BANK1: variants seen among roughly 807,000 people sequenced by gnomAD.
BANK1 encodes the protein B-cell scaffold protein with ankyrin repeats.
Under a neutral mutation model 94.5 loss-of-function variants are expected in BANK1, and 95 were observed. The observed-to-expected ratio is 1.00, with a 90% CI of 0.85 to 1.19. The LOEUF is 1.19. BANK1 is among the 50% of genes most tolerant of loss of function. The pLI is 0.00. For missense variants in BANK1, 987 were observed against 932.2 expected, an observed-to-expected ratio of 1.06 and a Z score of -0.77; for synonymous variants, 334 against 308.4, an observed-to-expected ratio of 1.08 and a Z score of -0.87.
At chr4:101,966,858 A>C (rs906092665) in intron 7 of BANK1, among the ~76,000 whole-genome samples, 3 of 151,844 alleles carry the variant, frequency 2.0e-5, no homozygotes, top group African/African-American at 7.3e-5. Context: ...AGTACATCTG[A>C]CTCCCACCCA....
rs1722726756 is a variant in BANK1, at chr4:101,913,296, A to T, written c.1010-4697A>T. Among the ~76,000 whole-genome samples, 5 of 152,332 alleles carry T rather than the reference A, an allele frequency of 3.3e-5. No homozygotes were observed. In the South Asian group the frequency reaches 1.0e-3, roughly 32 times the overall value. On this transcript the variant is annotated intron_variant, in intron 6 of 16. Coordinates refer to ENST00000322953, the MANE Select transcript of BANK1 (RefSeq NM_017935.5). ...AGGCTTCTTATTTTAACCAGAGTTT[A>T]GCTACAGATTGGATGGATTGGATAA...
intron 8 of BANK1, among the ~76,000 whole-genome samples, chr4:102,024,782 T>C (rs950479558): frequency 6.6e-6 from 1 of 152,154 alleles, no homozygotes; most frequent in Admixed American, 6.5e-5. Context: ...GTCAGATTCA[T>C]TTCTATTTAT....
intron 7 of BANK1, among the ~76,000 whole-genome samples, chr4:101,968,433 G>A (rs901988777): frequency 6.6e-6 from 1 of 152,072 alleles, no homozygotes; most frequent in Non-Finnish European, 1.5e-5. Flanking sequence ...TCCAAAGGAA[G>A]TTTCAGATAG....
intron 7 of BANK1, 73 bp downstream of exon 7, chr4:101,918,262 A>C: frequency 9.5e-7 from 1 of 1,052,566 alleles, no homozygotes; most frequent in East Asian, 2.7e-5. Flanking sequence ...AGAAGAAAAA[A>C]CCTATTACCT....
At chr4:101,832,989 T>A (rs1490804290) in intron 2 of BANK1, among the ~76,000 whole-genome samples, 1 of 152,040 alleles carries the variant, frequency 6.6e-6, no homozygotes, top group East Asian at 1.9e-4. Context: ...TTTCTTTCTT[T>A]TTTTTTTGAG....
intron 11 of BANK1, among the ~76,000 whole-genome samples, chr4:102,059,039 C>T (rs1318780485): frequency 1.3e-5 from 2 of 152,172 alleles, no homozygotes; most frequent in African/African-American, 2.4e-5. Flanking sequence ...AGACATATAA[C>T]ATTTGCTATC....
chr4:101,815,378 C>G (rs1725874123), intron 1 of BANK1, among the ~76,000 whole-genome samples: 1 of 152,104 alleles, frequency 6.6e-6, no homozygotes, highest in Non-Finnish European at 1.5e-5. Flanking sequence ...GTAGAAACTA[C>G]TACTAATTTA....
intron 7 of BANK1, among the ~76,000 whole-genome samples, chr4:101,985,610 G>A (rs1386118806): frequency 2.6e-5 from 4 of 151,976 alleles, no homozygotes; most frequent in Non-Finnish European, 1.5e-5. Context: ...AATTGCTGCA[G>A]TATTCATTGA....
At chr4:101,882,258 AG>A (rs1231565707) in intron 5 of BANK1, among the ~76,000 whole-genome samples, 2 of 152,150 alleles carry the variant, frequency 1.3e-5, no homozygotes, top group African/African-American at 4.8e-5. Flanking sequence ...AAAAAAAGAT[AG>A]AAAGTGAAAT....
chr4:102,044,277 C>T (rs922640705), intron 11 of BANK1, among the ~76,000 whole-genome samples: 8 of 152,012 alleles, frequency 5.3e-5, no homozygotes, highest in African/African-American at 1.2e-4. Context: ...TGAGAACATG[C>T]GGTGTTTGGT....
intron 1 of BANK1, among the ~76,000 whole-genome samples, chr4:101,805,942 A>T (rs1415572227): frequency 2.0e-5 from 3 of 152,068 alleles, no homozygotes; most frequent in African/African-American, 7.2e-5. Flanking sequence ...TAAGATTCCT[A>T]CAGCCTTTTA....
intron 14 of BANK1, among the ~76,000 whole-genome samples, chr4:102,072,065 C>T (rs1375738338): frequency 2.0e-5 from 3 of 152,144 alleles, no homozygotes; most frequent in South Asian, 2.1e-4. Flanking sequence ...AAGGAGTAAT[C>T]AAGTGGAGGT....
chr4:101,949,770 G>A (rs1186392067), intron 7 of BANK1, among the ~76,000 whole-genome samples: 1 of 152,054 alleles, frequency 6.6e-6, no homozygotes, highest in East Asian at 1.9e-4. Flanking sequence ...TAAACGTACA[G>A]GAAAATGTTC....
At chr4:101,920,499 A>G (rs930764432) in intron 7 of BANK1, among the ~76,000 whole-genome samples, 2 of 151,942 alleles carry the variant, frequency 1.3e-5, no homozygotes, top group African/African-American at 4.8e-5. Flanking sequence ...AAGCCTCTAT[A>G]TCACTTCAGT....
At chr4:101,847,198 AGT>A (rs10542109) in intron 2 of BANK1, among the ~76,000 whole-genome samples, 15,469 of 147,632 alleles carry the variant, frequency 0.1, 853 homozygotes, top group African/African-American at 0.14. Flanking sequence ...GGGTTGGCAG[AGT>A]GTGTGTGTGT....
intron 7 of BANK1, chr4:101,972,273 A>T (rs935143550): frequency 2.6e-5 from 4 of 152,056 alleles, no homozygotes; most frequent in African/African-American, 7.2e-5. Flanking sequence ...TCTTTTGGAT[A>T]GTTCATTGAA....
At position 101,873,674 on chromosome 4, in the gene BANK1, A is replaced by G. The variant is rs367755617; in HGVS notation, c.903+3030A>G. Among the ~76,000 whole-genome samples, 4 of 152,282 alleles carry G rather than the reference A, an allele frequency of 2.6e-5. No individual in the cohort carries two copies. In the East Asian group the frequency reaches 5.8e-4, roughly 22 times the overall value. On this transcript the variant is annotated intron_variant, in intron 5 of 16. Coordinates refer to ENST00000322953, the MANE Select transcript of BANK1 (RefSeq NM_017935.5). ...ATCTATCTGCTTTTTTAATCATTTC[A>G]TCTTTGTTAGATAAACACTGAATCC... is the stretch of plus-strand genomic sequence containing the variant.
intron 4 of BANK1, among the ~76,000 whole-genome samples, chr4:101,865,482 T>C (rs1205460327): frequency 6.6e-6 from 1 of 151,980 alleles, no homozygotes; most frequent in Non-Finnish European, 1.5e-5. Flanking sequence ...AGAGGAAGGA[T>C]AATCGTGGTG....
At chr4:101,963,604 A>C (rs922370993) in intron 7 of BANK1, among the ~76,000 whole-genome samples, 8 of 151,860 alleles carry the variant, frequency 5.3e-5, no homozygotes, top group African/African-American at 1.5e-4. Context: ...CTACCACTCA[A>C]CCAAAGTGTA....
Sources: allele counts gnomAD v4.1 joint callset (sites outside exome capture counted in the v4.1 genomes callset), GRCh38; gene constraint gnomAD v4.1.1; transcripts MANE v1.5; gene names NCBI Gene and HGNC (gene_info 2026-07-23, HGNC 2026-07-21).